The following RBFOX1 variants were observed in gnomAD, a reference collection of about 807,000 sequenced individuals.
The protein encoded by RBFOX1 is RNA binding protein fox-1 homolog 1.
A neutral mutation model predicts 57.7 loss-of-function variants in RBFOX1; 8 were observed. That is an observed-to-expected ratio of 0.14 (90% CI 0.08 to 0.25). The LOEUF (loss-of-function observed/expected upper bound fraction) is 0.25, where lower values mean the gene tolerates loss of function less well. Ranked by LOEUF, RBFOX1 falls within the 10% of genes least tolerant of loss-of-function variation. The pLI is 1.00. For synonymous variants in RBFOX1, 326 were observed against 222.4 expected (o/e 1.47, Z -4.15); for missense variants, 611 against 548.5 (o/e 1.11, Z -1.14).
intron 3 of RBFOX1, among the ~76,000 whole-genome samples, chr16:6,839,279 C>A (rs901093805): frequency 3.9e-5 from 6 of 152,126 alleles, no homozygotes; most frequent in Non-Finnish European, 7.3e-5. Context: ...GCCACTGTGC[C>A]CGGCACATCA....
At chr16:5,694,005 C>G (rs9635553) in intron 3 of RBFOX1, among the ~76,000 whole-genome samples, 35,045 of 152,142 alleles carry the variant, frequency 0.23, 5,550 homozygotes, top group East Asian at 0.82. Flanking sequence ...ATCTAGCACA[C>G]AGCTTCGGGG....
At chr16:5,583,174 T>C (rs1346382921) in intron 2 of RBFOX1, among the ~76,000 whole-genome samples, 2 of 152,192 alleles carry the variant, frequency 1.3e-5, no homozygotes, top group African/African-American at 4.8e-5. Flanking sequence ...TAGAATGCCA[T>C]GCGCAGCAAA....
intron 3 of RBFOX1, among the ~76,000 whole-genome samples, chr16:6,728,873 T>C (rs1450473909): frequency 6.6e-6 from 1 of 152,188 alleles, no homozygotes; most frequent in South Asian, 2.1e-4. Context: ...GAAGAACTGA[T>C]GAATTTTTAG....
intron 1 of RBFOX1, among the ~76,000 whole-genome samples, chr16:6,169,879 C>T (rs1445558732): frequency 4.6e-5 from 7 of 152,154 alleles, no homozygotes; most frequent in Non-Finnish European, 8.8e-5. Flanking sequence ...ATTCTCTGGC[C>T]TCAGCCTCCC....
At chr16:6,762,082 T>C (rs1567144838) in intron 3 of RBFOX1, among the ~76,000 whole-genome samples, 1 of 152,202 alleles carries the variant, frequency 6.6e-6, no homozygotes. Flanking sequence ...CACATGTGGT[T>C]CTATCTTCTG....
At chr16:7,180,710 T>C (rs1298649657) in intron 4 of RBFOX1, among the ~76,000 whole-genome samples, 2 of 58,458 alleles carry the variant, frequency 3.4e-5, no homozygotes, top group Non-Finnish European at 6.9e-5. Flanking sequence ...TAAGTTATTA[T>C]GATGAAAAAA....
intron 1 of RBFOX1, among the ~76,000 whole-genome samples, chr16:6,136,949 C>G (rs577620386): frequency 6.6e-6 from 1 of 152,136 alleles, no homozygotes; most frequent in Admixed American, 6.5e-5. Flanking sequence ...TGGAGGATAA[C>G]GAACCATAAA....
chr16:6,089,580 A>G (rs987270425), intron 1 of RBFOX1, among the ~76,000 whole-genome samples: 5 of 152,208 alleles, frequency 3.3e-5, no homozygotes, highest in East Asian at 1.9e-4. Flanking sequence ...GATGCAATGC[A>G]TTTGTCTTTT....
intron 4 of RBFOX1, among the ~76,000 whole-genome samples, chr16:7,506,560 C>CACCATT (rs1297901968): frequency 6.6e-6 from 1 of 151,876 alleles, no homozygotes; most frequent in Non-Finnish European, 1.5e-5. Flanking sequence ...TCATCACCAT[C>CACCATT]ACCATTATTA....
rs142586628 is a variant in RBFOX1, at chr16:5,867,243, A to G, written c.319-60A>G. On this transcript the variant is annotated intron_variant, in intron 3 of 19. Coordinates refer to the RBFOX1 transcript ENST00000641259. ...TGATGCCAGTTCCTTTAAAAAGACA[A>G]TTAATCCAATTACCTTCTTGTTGAA... 466 of 1,117,672 alleles carry G rather than the reference A, an allele frequency of 4.2e-4. 1 individual carries two copies. The highest frequency in any genetic ancestry group is 1.6e-3 in the South Asian group (35 of 21,954). 69.2% of individuals were successfully genotyped at this position (1,117,672 alleles called of 1,614,324 possible).
chr16:6,954,429 A>G (rs2081351737), intron 3 of RBFOX1, among the ~76,000 whole-genome samples: 1 of 152,120 alleles, frequency 6.6e-6, no homozygotes, highest in African/African-American at 2.4e-5. Context: ...GGCATTTTTA[A>G]AATTACACGA....
At chr16:7,277,066 G>C (rs1437143897) in intron 4 of RBFOX1, among the ~76,000 whole-genome samples, 1 of 152,166 alleles carries the variant, frequency 6.6e-6, no homozygotes, top group Non-Finnish European at 1.5e-5. Flanking sequence ...TTTAAGAATA[G>C]CAAACGTTGT....
At chr16:5,603,768 A>T (rs11076947), downstream of RBFOX1, among the ~76,000 whole-genome samples, 36,107 of 152,110 alleles carry the variant, frequency 0.24, 6,144 homozygotes, top group African/African-American at 0.48. Context: ...TGTGGCCACA[A>T]GATGGAGAGG....
intron 2 of RBFOX1, among the ~76,000 whole-genome samples, chr16:6,569,475 G>A (rs2097313968): frequency 1.3e-5 from 2 of 152,178 alleles, no homozygotes; most frequent in African/African-American, 4.8e-5. Flanking sequence ...CAAAGTAATT[G>A]TTGCTTCCCA....
intron 2 of RBFOX1, among the ~76,000 whole-genome samples, chr16:6,556,230 A>G (rs1233216140): frequency 1.3e-5 from 2 of 152,188 alleles, no homozygotes; most frequent in Non-Finnish European, 2.9e-5. Context: ...ACGTCTCTCT[A>G]TCTACTTATC....
At chr16:7,065,270 T>C (rs530273348) in intron 4 of RBFOX1, among the ~76,000 whole-genome samples, 1 of 152,292 alleles carries the variant, frequency 6.6e-6, no homozygotes, top group South Asian at 2.1e-4. Context: ...AGGTAGAAGG[T>C]GCCCGTGTGG....
Position 5,264,922 on chromosome 16 carries a change from A to G in RBFOX1, c.219+24817A>G, listed in dbSNP as rs113599402. On this transcript the variant is annotated intron_variant, in intron 1 of 2. Transcript: ENST00000585867. ...AGCATAAGTGAGAAAAACAACTTCT[A>G]ATGTTTGAAGTTACCAAGATTTAGG... 9.9e-3 allele frequency among the ~76,000 whole-genome samples: 1,507 copies of G among 152,200 alleles called. 24 individuals are homozygous for G. Among genetic ancestry groups the G allele is most frequent in the African/African-American group, 0.027 (1,123 of 41,516 alleles).
rs370888738 is a variant in RBFOX1, at chr16:6,782,361, G to T, written c.-16+127711G>T. On this transcript the variant is annotated intron_variant, in intron 3 of 15. Coordinates refer to ENST00000550418, the MANE Select transcript of RBFOX1 (RefSeq NM_018723.4). ...TGTATCCCATAGGTTTCAGTATGCT[G>T]TGTTTCTACTAAATTTCCTTCTTAA... Among the ~76,000 whole-genome samples the T allele has an allele frequency of 4.5e-4, 68 of 152,218 alleles. 2 individuals are homozygous for T. The highest frequency in any genetic ancestry group is 1.6e-3 in the African/African-American group (66 of 41,544).
chr16:6,898,662 G>C (rs1440051850), intron 3 of RBFOX1, among the ~76,000 whole-genome samples: 1 of 152,096 alleles, frequency 6.6e-6, no homozygotes, highest in East Asian at 1.9e-4. Context: ...ATTCAGCTCT[G>C]AGTTTCTGTG....
Sources: allele counts gnomAD v4.1 joint callset (sites outside exome capture counted in the v4.1 genomes callset), GRCh38; gene constraint gnomAD v4.1.1; transcripts MANE v1.5; gene names NCBI Gene and HGNC (gene_info 2026-07-23, HGNC 2026-07-21).